The following TPCN1 variants were observed in gnomAD, a reference collection of about 807,000 sequenced individuals.
The protein encoded by TPCN1 is two pore segment channel 1, also known as two pore channel protein 1.
A neutral mutation model predicts 108.8 loss-of-function variants in TPCN1; 52 were observed. The observed-to-expected ratio is 0.48, with a 90% CI of 0.38 to 0.60. The LOEUF (loss-of-function observed/expected upper bound fraction) is 0.60, where lower values mean the gene tolerates loss of function less well. Among genes scored for constraint, TPCN1 ranks in the 20% least tolerant of loss-of-function variants. The pLI, the probability that TPCN1 is intolerant of heterozygous loss-of-function variation, is 0.00. For missense variants in TPCN1, 806 were observed against 1,072.8 expected (o/e 0.75, Z 3.47); for synonymous variants, 446 against 433.7 (o/e 1.03, Z -0.35).
Position 113,273,157 on chromosome 12 carries a change from G to A in TPCN1, c.784-75G>A. Reference sequence around the variant, plus strand: ...CGGTCAAGGCAGGGCATGCCAGGTGGCCCATCACAGCCTGTTCCTGATGGC... The same window carrying A: ...CGGTCAAGGCAGGGCATGCCAGGTGACCCATCACAGCCTGTTCCTGATGGC... On this transcript the variant is annotated intron_variant, in intron 8 of 27. Coordinates refer to ENST00000335509, the MANE Select transcript of TPCN1 (RefSeq NM_017901.6). The surrounding 1 kb of genome is among the most constrained non-coding windows in gnomAD (Gnocchi z 4.0). 1 of 1,335,560 alleles carries A rather than the reference G, an allele frequency of 7.5e-7. No homozygotes were observed. Among genetic ancestry groups the A allele is most frequent in the African/African-American group, 1.4e-5 (1 of 69,350 alleles). 82.7% of individuals were successfully genotyped at this position (1,335,560 alleles called of 1,614,324 possible).
Position 113,266,506 on chromosome 12 carries a change from C to T in TPCN1, c.414+150C>T, listed in dbSNP as rs1955267570. ...GAGGTGGTCATAGAGGCCTTGGGAG[C>T]GGAAATGCCTGGGTGTCCCTGCTGG... On this transcript the variant is annotated intron_variant, in intron 4 of 27. Transcript: ENST00000335509. This position sits in a 1 kb window ranked among gnomAD's most constrained non-coding sequence, Gnocchi z 4.2. 10 of 1,044,368 alleles carry T rather than the reference C, an allele frequency of 9.6e-6. No homozygotes were observed. Among genetic ancestry groups the T allele is most frequent in the Admixed American group, 6.9e-5 (3 of 43,642 alleles). The allele number at this position is 1,044,368 out of a possible 1,614,324, so 64.7% of individuals were successfully genotyped here.
At chr12:113,276,137 T>C (rs973485111) in intron 10 of TPCN1, among the ~76,000 whole-genome samples, 8 of 152,174 alleles carry the variant, frequency 5.3e-5, no homozygotes, top group Admixed American at 3.9e-4. Context: ...GCAGAGATCA[T>C]TTGGCCTTCA....
At position 113,268,343 on chromosome 12, in the gene TPCN1, G is replaced by A. The variant is rs964756502; in HGVS notation, c.528+387G>A. ...CAGAGAGTGGCATGAGTAAGAGCACGTCAAGGTGGCATTTTGTAGTGTGTG... is the reference window on the plus strand; with the variant it reads ...CAGAGAGTGGCATGAGTAAGAGCACATCAAGGTGGCATTTTGTAGTGTGTG... On this transcript the variant is annotated intron_variant, in intron 5 of 27. Transcript: ENST00000335509. This position sits in a 1 kb window ranked among gnomAD's most constrained non-coding sequence, Gnocchi z 7.3. 1.8e-4 allele frequency among the ~76,000 whole-genome samples: 27 copies of A among 152,212 alleles called. No homozygotes were observed. Among genetic ancestry groups the A allele is most frequent in the African/African-American group, 6.0e-4 (25 of 41,450 alleles).
At position 113,289,761 on chromosome 12, in the gene TPCN1, G is replaced by A. The variant is rs1566204011; in HGVS notation, c.1797-367G>A. Among the ~76,000 whole-genome samples, 1 of 152,240 alleles carries A rather than the reference G, an allele frequency of 6.6e-6. No homozygotes were observed. Among genetic ancestry groups the A allele is most frequent in the Non-Finnish European group, 1.5e-5 (1 of 68,046 alleles). ...TAGGGAATTCCTTCCCTGGGACTGT[G>A]GCCTAGTGTCCAGCCTCAAGAGCAG... On this transcript the variant is annotated intron_variant, in intron 21 of 27. Coordinates refer to ENST00000335509, the MANE Select transcript of TPCN1 (RefSeq NM_017901.6). The surrounding 1 kb of genome is among the most constrained non-coding windows in gnomAD (Gnocchi z 4.1).
At position 113,293,013 on chromosome 12, in the gene TPCN1, G is replaced by T. The variant is rs367617972; in HGVS notation, c.2193G>T (p.Arg731=). The change falls in exon 26 of 28, where the codon CGG becomes CGT. Residue 731 remains arginine, a synonymous_variant. Coordinates refer to ENST00000335509, the MANE Select transcript of TPCN1 (RefSeq NM_017901.6). Reference sequence around the variant, plus strand: ...TCCTGGAGCTCTACCGGGAGGCACGGGGGGCCTCCTCGGATGTCACCAGGC... The same window carrying T: ...TCCTGGAGCTCTACCGGGAGGCACGTGGGGCCTCCTCGGATGTCACCAGGC... The part of the protein sequence containing the change: ...VAVLELYREA[R]GASSDVTRLL... 1.5e-5 allele frequency: 25 copies of T among 1,613,304 alleles called. 1 individual carries two copies. The highest frequency in any genetic ancestry group is 8.0e-5 in the African/African-American group (6 of 75,054).
Position 113,268,003 on chromosome 12 carries a change from A to T in TPCN1, c.528+47A>T. On this transcript the variant is annotated intron_variant, in intron 5 of 27. Transcript: ENST00000335509. The surrounding 1 kb of genome is among the most constrained non-coding windows in gnomAD (Gnocchi z 7.3). ...CCCTCCCCTCACAGCCTTTTCTCCC[A>T]TGTCACCTTCAAACCTGTCTCTTTG... is the stretch of plus-strand genomic sequence containing the variant. 7.7e-7 allele frequency: 1 copy of T among 1,303,110 alleles called. No individual in the cohort carries two copies. The highest frequency in any genetic ancestry group is 1.5e-5 in the African/African-American group (1 of 68,608). 80.7% of individuals were successfully genotyped at this position (1,303,110 alleles called of 1,614,324 possible).
intron 2 of TPCN1, among the ~76,000 whole-genome samples, chr12:113,245,067 C>A (rs1954302754): frequency 6.6e-6 from 1 of 151,904 alleles, no homozygotes; most frequent in Non-Finnish European, 1.5e-5. Flanking sequence ...AGTTCAAGAC[C>A]AGACTGGGGA....
At chr12:113,267,813 A>G (rs1955325761) in intron 4 of TPCN1, 30 bp from the exon 5 acceptor site, 2 of 1,535,010 alleles carry the variant, frequency 1.3e-6, no homozygotes, top group Middle Eastern at 1.7e-4. Flanking sequence ...TGGGCTGGCC[A>G]TGACACATCT....
intron 1 of TPCN1, among the ~76,000 whole-genome samples, 163 bp downstream of exon 1, chr12:113,221,789 C>T (rs1160101486): frequency 6.6e-6 from 1 of 152,166 alleles, no homozygotes; most frequent in Non-Finnish European, 1.5e-5. Flanking sequence ...TTCTCTCCGT[C>T]CAGCCCGGGC....
At chr12:113,245,461 C>T (rs1264001628) in intron 2 of TPCN1, among the ~76,000 whole-genome samples, 11 of 146,642 alleles carry the variant, frequency 7.5e-5, no homozygotes, top group African/African-American at 2.8e-4. Context: ...ATTAGCCGGG[C>T]GTGGTAGCGG....
intron 3 of TPCN1, among the ~76,000 whole-genome samples, chr12:113,263,049 C>T (rs1411531946): frequency 6.6e-6 from 1 of 152,110 alleles, no homozygotes; most frequent in Non-Finnish European, 1.5e-5. Flanking sequence ...TGATGTCATA[C>T]AGCAGCATGT....
chr12:113,258,862 G>A (rs766566689), intron 2 of TPCN1, among the ~76,000 whole-genome samples: 1 of 152,124 alleles, frequency 6.6e-6, no homozygotes, highest in Non-Finnish European at 1.5e-5. Flanking sequence ...AGATCAGAAG[G>A]ACCTTTTGCA....
In TPCN1 at chr12:113,287,104, AGGGC is replaced by A. The variant is rs764025963; in HGVS notation, c.1634+11_1634+14del. 6.2e-7 allele frequency: 1 copy of A among 1,605,438 alleles called. No individual in the cohort carries two copies. Among genetic ancestry groups the A allele is most frequent in the South Asian group, 1.1e-5 (1 of 90,858 alleles). ...CCCTCCAGCTGCTGAGGTGATGGGC[AGGGC>A]AGAGCCGGAGACAGGGAGAAAGAGA... is the stretch of plus-strand genomic sequence containing the variant. On this transcript the variant is annotated intron_variant, in intron 19 of 27. Transcript: ENST00000335509.
chr12:113,283,592 C>T (rs1955964902), intron 15 of TPCN1, among the ~76,000 whole-genome samples: 1 of 151,932 alleles, frequency 6.6e-6, no homozygotes, highest in Non-Finnish European at 1.5e-5. Flanking sequence ...CAAGATCACG[C>T]CCCACTGCAC....
intron 27 of TPCN1, 133 bp downstream of exon 27, chr12:113,293,482 T>A: frequency 1.1e-6 from 1 of 879,072 alleles, no homozygotes; most frequent in Non-Finnish European, 1.8e-6. Context: ...TCGGGACCAC[T>A]GCTGGGGTTG....
At position 113,221,464 on chromosome 12, in the gene TPCN1, G is replaced by C. The variant is rs1447468667; in HGVS notation, c.-288G>C. The C allele has an allele frequency of 2.9e-6, 1 of 340,968 alleles. No homozygotes were observed. Among genetic ancestry groups the C allele is most frequent in the African/African-American group, 2.1e-5 (1 of 46,550 alleles). The allele number at this position is 340,968 out of a possible 1,614,324, so 21.1% of individuals were successfully genotyped here. On this transcript the variant is annotated 5_prime_UTR_variant, in exon 1 of 28. Coordinates refer to ENST00000335509, the MANE Select transcript of TPCN1 (RefSeq NM_017901.6). ...AGAGGACGGTAGGCGGTGGATAGGA[G>C]AGCTGGCGCAGCTGCCCTGGTGGCA...
In TPCN1 at chr12:113,273,765, C is replaced by T. The variant is rs1240045333; in HGVS notation, c.942+97C>T. 1 of 1,000,842 alleles carries T rather than the reference C, an allele frequency of 1.0e-6. No homozygotes were observed. Among genetic ancestry groups the T allele is most frequent in the Non-Finnish European group, 1.6e-6 (1 of 629,514 alleles). The allele number at this position is 1,000,842 out of a possible 1,614,324, so 62.0% of individuals were successfully genotyped here. A position where few individuals can be genotyped will look rare whatever the true frequency, so the allele number is the denominator to read the frequency against. ...TGGAGAAGTGGGGACTGTCTTCTGC[C>T]TCTCAGGGCAGAACGTTGGGGCAGG... is the stretch of plus-strand genomic sequence containing the variant. On this transcript the variant is annotated intron_variant, in intron 10 of 27. Transcript: ENST00000335509. The surrounding 1 kb of genome is among the most constrained non-coding windows in gnomAD (Gnocchi z 4.0).
intron 19 of TPCN1, 49 bp downstream of exon 19, chr12:113,287,143 G>A: frequency 6.8e-7 from 1 of 1,478,638 alleles, no homozygotes; most frequent in Non-Finnish European, 9.4e-7. Flanking sequence ...AGGGAGGACG[G>A]GAATGCCCCA....
At chr12:113,280,068 A>C in intron 14 of TPCN1, 83 bp from the exon 15 acceptor site, 1 of 1,141,666 alleles carries the variant, frequency 8.8e-7, no homozygotes, top group Non-Finnish European at 1.3e-6. Context: ...GCACCTGCCC[A>C]GAAAGAGATA....
Sources: gnomAD v4.1 joint callset for allele counts (sites outside exome capture counted in the v4.1 genomes callset) on GRCh38, gnomAD v4.1.1 for gene constraint, Gnocchi (gnomAD v3.1) non-coding constraint, MANE v1.5 for transcripts, NCBI Gene and HGNC (gene_info 2026-07-23, HGNC 2026-07-21) for gene names.